Variants in SCHIP1 observed in about 807,000 individuals in gnomAD.
The protein encoded by SCHIP1 is schwannomin interacting protein 1.
Under a neutral mutation model 29.7 loss-of-function variants are expected in SCHIP1, and 8 were observed. The ratio of observed to expected loss-of-function variants is 0.27; its 90% CI spans 0.16 to 0.49. SCHIP1 has a LOEUF of 0.49. SCHIP1 is among the 20% of genes least tolerant of loss of function. SCHIP1 has a pLI of 0.99. For missense variants in SCHIP1, 193 were observed against 294.6 expected, an observed-to-expected ratio of 0.66 and a Z score of 2.52; for synonymous variants, 76 against 94.9, an observed-to-expected ratio of 0.80 and a Z score of 1.16.
At chr3:159,750,261 G>GTATATATATATATATATA in the SCHIP1 span, among the ~76,000 whole-genome samples, 1 of 11,820 alleles carries the variant, frequency 8.5e-5, no homozygotes, top group African/African-American at 1.5e-4. Flanking sequence ...GTATGTGTGT[G>GTATATATATATATATATA]TGTATATATA....
At chr3:159,318,201 ACTC>A in the SCHIP1 span, among the ~76,000 whole-genome samples, 1 of 151,266 alleles carries the variant, frequency 6.6e-6, no homozygotes, top group African/African-American at 2.4e-5. Flanking sequence ...TGATTATTAA[ACTC>A]CTCCTCCACT....
the SCHIP1 span, among the ~76,000 whole-genome samples, chr3:159,798,480 A>G: frequency 6.6e-6 from 1 of 151,768 alleles, no homozygotes; most frequent in Non-Finnish European, 1.5e-5. Context: ...AAACAAGGCC[A>G]GGCGCAGTGG....
At chr3:159,283,162 A>G in the SCHIP1 span, among the ~76,000 whole-genome samples, 1 of 151,776 alleles carries the variant, frequency 6.6e-6, no homozygotes, top group Non-Finnish European at 1.5e-5. Context: ...TATATTTTTT[A>G]TTTTTTTTGA....
the SCHIP1 span, among the ~76,000 whole-genome samples, chr3:159,733,736 A>G: frequency 6.6e-6 from 1 of 152,246 alleles, no homozygotes; most frequent in African/African-American, 2.4e-5. Context: ...TTCTAAAGAC[A>G]GAATGTTCAT....
At chr3:159,659,641 G>C in the SCHIP1 span, among the ~76,000 whole-genome samples, 1 of 152,074 alleles carries the variant, frequency 6.6e-6, no homozygotes. Flanking sequence ...TTCTTCAATT[G>C]TGCTAAGAAG....
At chr3:159,816,630 T>C in the SCHIP1 span, among the ~76,000 whole-genome samples, 1 of 152,214 alleles carries the variant, frequency 6.6e-6, no homozygotes, top group Non-Finnish European at 1.5e-5. Context: ...TGACTGCCTA[T>C]TCAAGTGTGT....
In SCHIP1 at chr3:159,860,310, G is replaced by A. The variant is rs77339160; in HGVS notation, c.31-5853G>A. 6.7e-3 allele frequency among the ~76,000 whole-genome samples: 1,020 copies of A among 152,284 alleles called. 9 individuals carry two copies. The highest frequency in any genetic ancestry group is 0.024 in the African/African-American group (989 of 41,548). On this transcript the variant is annotated intron_variant, in intron 1 of 6. Coordinates refer to ENST00000445224, the Ensembl canonical transcript of SCHIP1. ...GACAGAGAAAGAGCAGTCAAGTCCT[G>A]TGAGGCTTCTTAACCTTAGAGAAGA...
At chr3:159,382,743 T>C in the SCHIP1 span, among the ~76,000 whole-genome samples, 3 of 152,148 alleles carry the variant, frequency 2.0e-5, no homozygotes, top group African/African-American at 7.2e-5. Context: ...AGTGTTCCTA[T>C]TTCTCCACAT....
chr3:159,649,285 T>C, the SCHIP1 span, among the ~76,000 whole-genome samples: 1 of 152,182 alleles, frequency 6.6e-6, no homozygotes, highest in Non-Finnish European at 1.5e-5. Flanking sequence ...CCATTTGCCA[T>C]TGTTCTCTCT....
chr3:159,340,961 C>A, the SCHIP1 span, among the ~76,000 whole-genome samples: 1 of 152,092 alleles, frequency 6.6e-6, no homozygotes, highest in Non-Finnish European at 1.5e-5. Context: ...CCACTGTTTT[C>A]AAATATTTTG....
chr3:159,363,804 G>A, the SCHIP1 span, among the ~76,000 whole-genome samples: 3 of 152,144 alleles, frequency 2.0e-5, no homozygotes, highest in African/African-American at 7.2e-5. Context: ...GGTGTCAGTT[G>A]TCCCTATTTT....
chr3:159,705,386 A>C, the SCHIP1 span, among the ~76,000 whole-genome samples: 5 of 152,214 alleles, frequency 3.3e-5, no homozygotes, highest in Non-Finnish European at 7.3e-5. Flanking sequence ...TAAATGGTAC[A>C]TGTTTGGCTC....
chr3:159,535,901 G>A, the SCHIP1 span, among the ~76,000 whole-genome samples: 1 of 152,134 alleles, frequency 6.6e-6, no homozygotes, highest in African/African-American at 2.4e-5. Context: ...AAAAACAGAT[G>A]ACAGGCTGCA....
chr3:159,503,722 C>G, the SCHIP1 span, among the ~76,000 whole-genome samples: 1 of 152,180 alleles, frequency 6.6e-6, no homozygotes, highest in Non-Finnish European at 1.5e-5. Flanking sequence ...ACCAATTATA[C>G]CTTTTCAACA....
At chr3:159,340,241 A>C in the SCHIP1 span, among the ~76,000 whole-genome samples, 43 of 152,216 alleles carry the variant, frequency 2.8e-4, no homozygotes, top group Middle Eastern at 0.014. Context: ...TAAGAATAGA[A>C]TAGATGGAAA....
chr3:159,762,445 C>T, the SCHIP1 span, among the ~76,000 whole-genome samples: 1 of 152,174 alleles, frequency 6.6e-6, no homozygotes, highest in Admixed American at 6.5e-5. Flanking sequence ...GGCAGCCACT[C>T]CCTACTTAGG....
intron 1 of SCHIP1, among the ~76,000 whole-genome samples, chr3:159,843,367 A>G (rs981511452): frequency 3.9e-5 from 6 of 152,154 alleles, no homozygotes; most frequent in African/African-American, 1.4e-4. Context: ...GCCATTTATC[A>G]TAGTACATAT....
the SCHIP1 span, among the ~76,000 whole-genome samples, chr3:159,641,482 A>G: frequency 1.3e-5 from 2 of 152,136 alleles, no homozygotes; most frequent in Non-Finnish European, 2.9e-5. Flanking sequence ...TTTCATGGAG[A>G]TGAGTTTAAA....
the SCHIP1 span, among the ~76,000 whole-genome samples, chr3:159,755,712 G>A: frequency 5.9e-5 from 9 of 152,180 alleles, no homozygotes; most frequent in Non-Finnish European, 1.0e-4. Flanking sequence ...TTCCACCTAT[G>A]AGCCTGTAAA....
Sources: allele counts gnomAD v4.1 joint callset (sites outside exome capture counted in the v4.1 genomes callset), GRCh38; gene constraint gnomAD v4.1.1; transcripts MANE v1.5; gene names NCBI Gene and HGNC (gene_info 2026-07-23, HGNC 2026-07-21).